Variants in SIPA1L3 observed in about 807,000 individuals in gnomAD.
The protein encoded by SIPA1L3 is signal induced proliferation associated 1 like 3.
In SIPA1L3, 59 loss-of-function variants were observed where a neutral mutation model predicts 150.1. That is an observed-to-expected ratio of 0.39 (90% confidence interval 0.32 to 0.49). The LOEUF (loss-of-function observed/expected upper bound fraction) is 0.49, where lower values mean the gene tolerates loss of function less well. SIPA1L3 is among the 20% of genes least tolerant of loss of function. The pLI, the probability that SIPA1L3 is intolerant of heterozygous loss-of-function variation, is 0.86. For synonymous variants in SIPA1L3, 1,070 were observed against 1,077.6 expected (o/e 0.99, Z 0.14); for missense variants, 2,211 against 2,489.5 (o/e 0.89, Z 2.38).
chr19:38,198,913 C>T (rs931203861), intron 19 of SIPA1L3, among the ~76,000 whole-genome samples: 5 of 152,188 alleles, frequency 3.3e-5, no homozygotes, highest in Non-Finnish European at 4.4e-5. Flanking sequence ...GCTGTGATCA[C>T]ACCACTGCAC....
chr19:37,982,328 C>G (rs1347436345), intron 1 of SIPA1L3, among the ~76,000 whole-genome samples: 2 of 152,236 alleles, frequency 1.3e-5, no homozygotes, highest in Non-Finnish European at 2.9e-5. Flanking sequence ...TGGTCATCTC[C>G]TCCCTCTGGC....
intron 10 of SIPA1L3, among the ~76,000 whole-genome samples, chr19:38,135,989 G>A (rs1449185449): frequency 6.6e-6 from 1 of 151,870 alleles, no homozygotes; most frequent in Non-Finnish European, 1.5e-5. Context: ...AGACACCGAG[G>A]AGAATGCATG....
intron 3 of SIPA1L3, among the ~76,000 whole-genome samples, chr19:38,084,072 G>T (rs1970069171): frequency 6.6e-6 from 1 of 151,850 alleles, no homozygotes; most frequent in South Asian, 2.1e-4. Context: ...GGACTCTCCT[G>T]TGAAGAAATC....
rs552599149 is a variant in SIPA1L3, at chr19:38,100,025, G to A, written c.1729G>A (p.Gly577Arg). ...ATPTATKHGT[G>R]RGLPLKDALE... The stretch of plus-strand genomic sequence containing the variant: ...GCCCACAGCCACCAAGCATGGGACC[G>A]GGCGGGGCCTGCCCTTGAAGGATGC... Residue 577 changes from glycine to arginine, a missense_variant, in exon 5 of 22, where the codon GGG becomes AGG. Gly to Arg is a moderately radical substitution (Grantham distance 125, BLOSUM62 -2). Coordinates refer to ENST00000222345, the MANE Select transcript of SIPA1L3 (RefSeq NM_015073.3). The A allele has an allele frequency of 5.6e-6, 9 of 1,611,748 alleles. No homozygotes were observed. The highest frequency in any genetic ancestry group is 7.6e-6 in the Non-Finnish European group (9 of 1,179,130).
intron 1 of SIPA1L3, among the ~76,000 whole-genome samples, chr19:37,988,852 C>T (rs74559207): frequency 6.6e-6 from 1 of 152,112 alleles, no homozygotes; most frequent in Non-Finnish European, 1.5e-5. Flanking sequence ...CAGGCACGTT[C>T]GCTCTCCAGG....
At chr19:38,150,173 C>T (rs764478317) in intron 12 of SIPA1L3, among the ~76,000 whole-genome samples, 7 of 152,206 alleles carry the variant, frequency 4.6e-5, no homozygotes, top group Non-Finnish European at 1.0e-4. Context: ...TTTCGTACTT[C>T]CTGTGTTTGG....
intron 1 of SIPA1L3, among the ~76,000 whole-genome samples, chr19:37,952,335 G>A (rs1386192434): frequency 6.6e-6 from 1 of 152,116 alleles, no homozygotes; most frequent in Non-Finnish European, 1.5e-5. Flanking sequence ...AGAGTCCTAA[G>A]TAATACAGTA....
chr19:37,947,287 A>C (rs2046720631), intron 1 of SIPA1L3, among the ~76,000 whole-genome samples: 1 of 151,944 alleles, frequency 6.6e-6, no homozygotes, highest in Non-Finnish European at 1.5e-5. Flanking sequence ...CAGGAGATCG[A>C]GACCATCCTG....
At position 38,047,457 on chromosome 19, in the gene SIPA1L3, G is replaced by A. The variant is rs1969086739; in HGVS notation, c.-311+18301G>A. Reference sequence around the variant, plus strand: ...ATCTAGAACAGGACCTGGCCCGAAAGAGCTGCTCAGTAAATATTTGTTGAA... The same window carrying A: ...ATCTAGAACAGGACCTGGCCCGAAAAAGCTGCTCAGTAAATATTTGTTGAA... On this transcript the variant is annotated intron_variant, in intron 2 of 21. Transcript: ENST00000222345. This position sits in a 1 kb window ranked among gnomAD's most constrained non-coding sequence, Gnocchi z 4.7. 1.3e-5 allele frequency among the ~76,000 whole-genome samples: 2 copies of A among 152,132 alleles called. No homozygotes were observed. The highest frequency in any genetic ancestry group is 4.8e-5 in the African/African-American group (2 of 41,402).
At chr19:38,011,880 G>A (rs994925865) in intron 1 of SIPA1L3, among the ~76,000 whole-genome samples, 3 of 152,068 alleles carry the variant, frequency 2.0e-5, no homozygotes, top group African/African-American at 7.2e-5. Context: ...TGGCCTGGGA[G>A]GGAGAAAGAA....
intron 10 of SIPA1L3, among the ~76,000 whole-genome samples, chr19:38,135,469 C>T (rs1264208685): frequency 1.3e-5 from 2 of 152,224 alleles, no homozygotes; most frequent in Non-Finnish European, 2.9e-5. Context: ...GGTGGCTACG[C>T]TCCTCGAGGA....
intron 1 of SIPA1L3, among the ~76,000 whole-genome samples, chr19:37,976,066 GT>G (rs1967066861): frequency 6.7e-6 from 1 of 148,428 alleles, no homozygotes; most frequent in Admixed American, 6.8e-5. Context: ...GATTGCACCA[GT>G]GCACTCCTGC....
At chr19:38,161,858 G>C (rs1451998209) in intron 13 of SIPA1L3, among the ~76,000 whole-genome samples, 1 of 147,840 alleles carries the variant, frequency 6.8e-6, no homozygotes, top group African/African-American at 2.5e-5. Flanking sequence ...GACCACCCTG[G>C]ATGCTGTAGC....
At chr19:37,917,711 A>G (rs1402942624) in intron 1 of SIPA1L3, among the ~76,000 whole-genome samples, 1 of 152,134 alleles carries the variant, frequency 6.6e-6, no homozygotes, top group African/African-American at 2.4e-5. Flanking sequence ...TGTTGCACAA[A>G]ATCGATTCTG....
rs762325718 is a variant in SIPA1L3, at chr19:38,164,530, G to A, written c.3832G>A (p.Ala1278Thr). The change falls in exon 15 of 22, where the codon GCA becomes ACA. Residue 1278 changes from alanine (A) to threonine (T), a missense_variant. Ala to Thr is a moderately conservative substitution (Grantham distance 58). Coordinates refer to ENST00000222345, the MANE Select transcript of SIPA1L3 (RefSeq NM_015073.3). The surrounding 1 kb of genome is among the most constrained non-coding windows in gnomAD (Gnocchi z 4.1). ...HSSSNTLSSN[A>T]SSSHSDDRWF... ...CAGCAGCAACACCCTCTCCAGCAAC[G>A]CATCCAGCAGCCACAGCGACGACCG... 4.3e-6 allele frequency: 7 copies of A among 1,613,864 alleles called. No individual in the cohort carries two copies. The highest frequency in any genetic ancestry group is 4.5e-5 in the East Asian group (2 of 44,878).
intron 1 of SIPA1L3, among the ~76,000 whole-genome samples, chr19:37,967,603 C>G (rs1407842354): frequency 2.0e-5 from 3 of 152,092 alleles, no homozygotes; most frequent in African/African-American, 7.2e-5. Context: ...TAGGGGCTCA[C>G]CCTACTTGAT....
In SIPA1L3 at chr19:38,119,364, A is replaced by G; in HGVS notation, c.2350A>G (p.Thr784Ala). 6.2e-7 allele frequency: 1 copy of G among 1,614,180 alleles called. No homozygotes were observed. Among genetic ancestry groups the G allele is most frequent in the Non-Finnish European group, 8.5e-7 (1 of 1,180,032 alleles). ...PPFGPPIPSG[T>A]TFRKSDVFRD... Reference sequence around the variant, plus strand: ...TTTCGGCCCCCCCATCCCCAGTGGAACCACATTCCGCAAATCCGACGTCTT... The same window carrying G: ...TTTCGGCCCCCCCATCCCCAGTGGAGCCACATTCCGCAAATCCGACGTCTT... The change falls in exon 9 of 22, where the codon ACC becomes GCC. Residue 784 changes from threonine to alanine, a missense_variant. This residue lies in a region of SIPA1L3 where 625 missense variants were observed against 804.2 expected (regional missense o/e 0.78). Transcript: ENST00000222345.
intron 1 of SIPA1L3, among the ~76,000 whole-genome samples, chr19:38,028,590 C>T (rs902513113): frequency 1.6e-4 from 24 of 152,170 alleles, no homozygotes; most frequent in Admixed American, 1.6e-3. Context: ...TTATTGTCCT[C>T]CTCCCCTACT....
intron 2 of SIPA1L3, among the ~76,000 whole-genome samples, chr19:38,031,343 T>C (rs1968649867): frequency 6.6e-6 from 1 of 152,226 alleles, no homozygotes; most frequent in African/African-American, 2.4e-5. Context: ...CCTTTTTTCT[T>C]CCAAGAGTCT....
Sources: gnomAD v4.1 joint callset for allele counts (sites outside exome capture counted in the v4.1 genomes callset) on GRCh38, gnomAD v4.1.1 for gene constraint, gnomAD v4.1.1 regional missense constraint, Gnocchi (gnomAD v3.1) non-coding constraint, MANE v1.5 for transcripts, NCBI Gene and HGNC (gene_info 2026-07-23, HGNC 2026-07-21) for gene names.